Variants in UNKL observed in about 807,000 individuals in gnomAD.
UNKL encodes the protein unk like zinc finger.
Under a neutral mutation model 78.0 loss-of-function variants are expected in UNKL, and 60 were observed. The ratio of observed to expected loss-of-function variants is 0.77; its 90% CI spans 0.63 to 0.95. UNKL has a LOEUF of 0.95. Ranked by LOEUF, UNKL falls within the 40% of genes least tolerant of loss-of-function variation. The probability of loss-of-function intolerance (pLI) is 0.00; values close to 1 mark genes in which losing one functional copy is unlikely to be tolerated. For synonymous variants in UNKL, 608 were observed against 474.8 expected (o/e 1.28, Z -3.65); for missense variants, 1,159 against 1,045.7 (o/e 1.11, Z -1.49).
At chr16:1,368,666 C>A (rs1002562226) in intron 12 of UNKL, among the ~76,000 whole-genome samples, 1 of 140,628 alleles carries the variant, frequency 7.1e-6, no homozygotes, top group Non-Finnish European at 1.5e-5. Context: ...TTTGGGAGGT[C>A]GAGGCCAGCA....
Position 1,400,995 on chromosome 16 carries a change from C to T in UNKL, c.598+573G>A, listed in dbSNP as rs957277888. On this transcript the variant is annotated intron_variant, in intron 4 of 14. Transcript: ENST00000389221. The stretch of plus-strand genomic sequence containing the variant: ...TGAGCCAGTGCTCCCAGCCTTACCA[C>T]GTTTTTTTTCAAATCAAAATCTCCC... Among the ~76,000 whole-genome samples the T allele has an allele frequency of 5.3e-5, 8 of 152,158 alleles. No individual in the cohort carries two copies. In the East Asian group the frequency reaches 9.6e-4, roughly 18 times the overall value.
In UNKL at chr16:1,401,824, G is replaced by A. The variant is rs967392992; in HGVS notation, c.465-123C>T. On this transcript the variant is annotated intron_variant, in intron 3 of 14. Transcript: ENST00000389221. Reference sequence around the variant, plus strand: ...AGAGAGGCTGCTGCCGAAGGGTTCAGGACGGAGTCTCAGTGTGTGGCGCTC... The same window carrying A: ...AGAGAGGCTGCTGCCGAAGGGTTCAAGACGGAGTCTCAGTGTGTGGCGCTC... 1.1e-5 allele frequency: 15 copies of A among 1,361,934 alleles called. No homozygotes were observed. The Admixed American group carries it at 3.3e-4, about 30-fold the overall frequency. The allele number at this position is 1,361,934 out of a possible 1,614,324, so 84.4% of individuals were successfully genotyped here.
intron 6 of UNKL, chr16:1,394,464 C>G (rs1227133182): frequency 1.5e-6 from 1 of 667,864 alleles, no homozygotes; most frequent in Non-Finnish European, 2.8e-6. Context: ...CCTCCCATCA[C>G]AGGCAAAGTC....
intron 2 of UNKL, among the ~76,000 whole-genome samples, chr16:1,409,636 G>T (rs1259198124): frequency 6.6e-6 from 1 of 152,078 alleles, no homozygotes; most frequent in African/African-American, 2.4e-5. Flanking sequence ...TTTTTGTAAT[G>T]ATGTTATGGA....
rs924838312 is a variant in UNKL at position 1,399,618 on chromosome 16, G to A, written c.599-109C>T. The stretch of plus-strand genomic sequence containing the variant: ...TGTCCCCCAAATGGAAGGGGCTGCA[G>A]GAGGACTTGGGGAGCGCAGACACAC... On this transcript the variant is annotated intron_variant, in intron 4 of 14. Coordinates refer to ENST00000389221, the MANE Select transcript of UNKL (RefSeq NM_001372107.1). This position sits in a 1 kb window ranked among gnomAD's most constrained non-coding sequence, Gnocchi z 5.8. 9.4e-6 allele frequency: 14 copies of A among 1,493,374 alleles called. No homozygotes were observed. Among genetic ancestry groups the A allele is most frequent in the Non-Finnish European group, 1.1e-5 (12 of 1,112,562 alleles). 92.5% of individuals were successfully genotyped at this position (1,493,374 alleles called of 1,614,324 possible). A position where few individuals can be genotyped will look rare whatever the true frequency, so the allele number is the denominator to read the frequency against.
intron 10 of UNKL, 100 bp downstream of exon 10, chr16:1,385,108 G>T: frequency 1.0e-6 from 1 of 978,674 alleles, no homozygotes; most frequent in Non-Finnish European, 1.3e-6. Flanking sequence ...CAAAAATGAC[G>T]ATTCTGTAAC....
chr16:1,410,120 G>A lies in UNKL; in HGVS notation c.287+3726C>T, dbSNP rs73490039. ...AACAGTTATGAAAAGATGCTTTCTC[G>A]CCGGGTGCAGGGCTGCACACCTGTA... is the stretch of plus-strand genomic sequence containing the variant. On this transcript the variant is annotated intron_variant, in intron 2 of 14. Coordinates refer to ENST00000389221, the MANE Select transcript of UNKL (RefSeq NM_001372107.1). Among the ~76,000 whole-genome samples the A allele has an allele frequency of 6.1e-3, 924 of 152,206 alleles. 10 individuals are homozygous for A. Among genetic ancestry groups the A allele is most frequent in the African/African-American group, 0.021 (868 of 41,526 alleles).
rs192876858 is a variant in UNKL at position 1,369,915 on chromosome 16, C to G, written c.1585+215G>C. 2.6e-6 allele frequency: 4 copies of G among 1,535,436 alleles called. No individual in the cohort carries two copies. The African/African-American group carries it at 5.5e-5, about 21-fold the overall frequency. On this transcript the variant is annotated intron_variant, in intron 12 of 14. Transcript: ENST00000389221. ...GCTTGAACCTGGGAGGCGGAGGTTGCGGCGAGCCGAGATCGTACCATTGCA... is the reference window on the plus strand; with the variant it reads ...GCTTGAACCTGGGAGGCGGAGGTTGGGGCGAGCCGAGATCGTACCATTGCA...
intron 9 of UNKL, among the ~76,000 whole-genome samples, chr16:1,389,040 G>A (rs1223000505): frequency 1.3e-5 from 2 of 152,142 alleles, no homozygotes; most frequent in African/African-American, 4.8e-5. Context: ...CTGACCCCGT[G>A]AACACTTGCC....
chr16:1,367,991 G>T, intron 12 of UNKL, 133 bp from the exon 13 acceptor site: 1 of 790,888 alleles, frequency 1.3e-6, no homozygotes, highest in Non-Finnish European at 2.0e-6. Flanking sequence ...CAGCAGGGGT[G>T]CAGCCACGCC....
chr16:1,372,293 A>C (rs894171675), intron 10 of UNKL, among the ~76,000 whole-genome samples: 5 of 152,130 alleles, frequency 3.3e-5, no homozygotes, highest in Admixed American at 6.5e-5. Context: ...ACAAAAAAAA[A>C]ACTTTCTGTG....
Position 1,367,087 on chromosome 16 carries a change from C to T in UNKL, c.2046+5G>A. On this transcript the variant is annotated splice_donor_5th_base_variant and intron_variant, in intron 14 of 14. Coordinates refer to ENST00000389221, the MANE Select transcript of UNKL (RefSeq NM_001372107.1). ...GCCCCTCACCCTGCCCAGAGCAGGACTCACGCCGTCCACCGCCTCCAGGTC... is the reference window on the plus strand; with the variant it reads ...GCCCCTCACCCTGCCCAGAGCAGGATTCACGCCGTCCACCGCCTCCAGGTC... 6.5e-7 allele frequency: 1 copy of T among 1,544,976 alleles called. No individual in the cohort carries two copies. Among genetic ancestry groups the T allele is most frequent in the Non-Finnish European group, 8.7e-7 (1 of 1,149,824 alleles).
At position 1,414,608 on chromosome 16, in the gene UNKL, C is replaced by A. The variant is rs2038197592; in HGVS notation, c.77+7G>T. The A allele has an allele frequency of 9.4e-7, 1 of 1,060,346 alleles. No homozygotes were observed. The highest frequency in any genetic ancestry group is 1.1e-6 in the Non-Finnish European group (1 of 872,674). The allele number at this position is 1,060,346 out of a possible 1,614,324, so 65.7% of individuals were successfully genotyped here. A position where few individuals can be genotyped will look rare whatever the true frequency, so the allele number is the denominator to read the frequency against. On this transcript the variant is annotated splice_region_variant and intron_variant, in intron 1 of 14. Transcript: ENST00000389221. ...GGCGGGGGGCCGCAGGCCGGACGGG[C>A]GCTGACCTGTAGTGGGTCGGCTTCT...
chr16:1,371,084 A>G (rs2035793468), intron 11 of UNKL, among the ~76,000 whole-genome samples: 1 of 126,140 alleles, frequency 7.9e-6, no homozygotes, highest in Non-Finnish European at 1.6e-5. Context: ...CTCTGTCTCA[A>G]AAAAAAAAAA....
Position 1,399,279 on chromosome 16 carries a change from C to T in UNKL, c.734+95G>A. On this transcript the variant is annotated intron_variant, in intron 5 of 14. Coordinates refer to ENST00000389221, the MANE Select transcript of UNKL (RefSeq NM_001372107.1). This position sits in a 1 kb window ranked among gnomAD's most constrained non-coding sequence, Gnocchi z 5.8. ...GGGATGATGGTGCCACAAGGGCAGCCCTCCCATTAGAACCCCGGGGTGGGC... is the reference window on the plus strand; with the variant it reads ...GGGATGATGGTGCCACAAGGGCAGCTCTCCCATTAGAACCCCGGGGTGGGC... 1 of 1,430,656 alleles carries T rather than the reference C, an allele frequency of 7.0e-7. No homozygotes were observed. Among genetic ancestry groups the T allele is most frequent in the Non-Finnish European group, 9.1e-7 (1 of 1,093,188 alleles). The allele number at this position is 1,430,656 out of a possible 1,614,324, so 88.6% of individuals were successfully genotyped here.
intron 2 of UNKL, among the ~76,000 whole-genome samples, chr16:1,409,781 C>T (rs965086935): frequency 3.9e-5 from 6 of 151,980 alleles, no homozygotes; most frequent in Non-Finnish European, 5.9e-5. Flanking sequence ...ACCCAGACTC[C>T]GCAACAAAAA....
intron 6 of UNKL, 107 bp downstream of exon 6, chr16:1,397,071 G>T: frequency 7.8e-7 from 1 of 1,273,914 alleles, no homozygotes; most frequent in Non-Finnish European, 1.1e-6. Context: ...CCAGCCCTCG[G>T]CCAAAGTTAA....
At chr16:1,396,784 G>A (rs532748302) in intron 6 of UNKL, among the ~76,000 whole-genome samples, 7 of 151,800 alleles carry the variant, frequency 4.6e-5, no homozygotes, top group Non-Finnish European at 7.4e-5. Flanking sequence ...TAGTAGAAAC[G>A]GGGTTTTGCC....
At chr16:1,366,416 C>T (rs770904779) in intron 14 of UNKL, 21 bp from the exon 15 acceptor site, 16 of 1,560,566 alleles carry the variant, frequency 1.0e-5, no homozygotes, top group African/African-American at 4.1e-5. Flanking sequence ...AGAACAATGA[C>T]GGGCTCAGGA....
Sources: allele counts gnomAD v4.1 joint callset (sites outside exome capture counted in the v4.1 genomes callset), GRCh38; gene constraint gnomAD v4.1.1; non-coding constraint Gnocchi (gnomAD v3.1); transcripts MANE v1.5; gene names NCBI Gene and HGNC (gene_info 2026-07-23, HGNC 2026-07-21).